Variants in CCDC60 observed in about 807,000 individuals in gnomAD.
CCDC60 encodes coiled-coil domain-containing protein 60.
CCDC60 carries 54 observed loss-of-function variants against 63.5 expected under a neutral mutation model. That is an observed-to-expected ratio of 0.85 (90% confidence interval 0.68 to 1.07). The LOEUF is 1.07. CCDC60 is among the 50% of genes least tolerant of loss of function. The pLI, the probability that CCDC60 is intolerant of heterozygous loss-of-function variation, is 0.00. For missense variants in CCDC60, 651 were observed against 684.3 expected (o/e 0.95, Z 0.54); for synonymous variants, 206 against 238.8 (o/e 0.86, Z 1.27).
At chr12:119,379,457 A>C (rs754499924) in intron 1 of CCDC60, among the ~76,000 whole-genome samples, 4 of 152,192 alleles carry the variant, frequency 2.6e-5, no homozygotes, top group Non-Finnish European at 4.4e-5. Flanking sequence ...ACTGTTCTGC[A>C]CTTTGTTGGG....
intron 1 of CCDC60, among the ~76,000 whole-genome samples, chr12:119,383,903 G>A (rs973443156): frequency 2.6e-5 from 4 of 152,170 alleles, no homozygotes; most frequent in African/African-American, 4.8e-5. Context: ...CCACTTTAAA[G>A]AGACAGACCT....
At chr12:119,357,146 G>C (rs554296563) in intron 1 of CCDC60, among the ~76,000 whole-genome samples, 1 of 152,260 alleles carries the variant, frequency 6.6e-6, no homozygotes, top group Non-Finnish European at 1.5e-5. Flanking sequence ...ATGTTGATGG[G>C]TACAGGTGAT....
intron 2 of CCDC60, among the ~76,000 whole-genome samples, chr12:119,435,753 A>C (rs1950312627): frequency 1.3e-5 from 2 of 152,122 alleles, no homozygotes; most frequent in Non-Finnish European, 2.9e-5. Flanking sequence ...ACTACCCCCA[A>C]AACTCAGTAA....
chr12:119,518,082 T>C (rs963707995), intron 8 of CCDC60, among the ~76,000 whole-genome samples: 5 of 152,222 alleles, frequency 3.3e-5, no homozygotes, highest in African/African-American at 7.2e-5. Flanking sequence ...ACCTCGCCTC[T>C]GCTTGTGAAT....
chr12:119,531,213 C>A, intron 13 of CCDC60, 150 bp downstream of exon 13: 1 of 671,670 alleles, frequency 1.5e-6, no homozygotes, highest in Non-Finnish European at 2.5e-6. Context: ...GTCCCATTAC[C>A]TGGTTGCCCA....
chr12:119,488,865 A>T lies in CCDC60; in HGVS notation c.556A>T (p.Lys186Ter). The change falls in exon 5 of 14, where the codon AAG becomes TAG. Residue 186 changes from lysine to a stop codon, truncating the protein, a stop_gained and splice_region_variant. Coordinates refer to ENST00000327554, the MANE Select transcript of CCDC60 (RefSeq NM_178499.5). LOFTEE classifies it high-confidence loss of function. ...MKPVITCWNP[K>*]DPGGSKSTIK... ...GCCTGTGATCACCTGCTGGAACCCAAAGTATGCCTCAGCCCTTCAACTTGT... is the reference window on the plus strand; with the variant it reads ...GCCTGTGATCACCTGCTGGAACCCATAGTATGCCTCAGCCCTTCAACTTGT... 6.2e-7 allele frequency: 1 copy of T among 1,612,012 alleles called. No homozygotes were observed. The highest frequency in any genetic ancestry group is 8.5e-7 in the Non-Finnish European group (1 of 1,178,128).
chr12:119,434,968 C>T (rs1950299470), intron 2 of CCDC60, among the ~76,000 whole-genome samples: 1 of 152,124 alleles, frequency 6.6e-6, no homozygotes, highest in Non-Finnish European at 1.5e-5. Context: ...GCATCACATC[C>T]ACTGCATAGA....
intron 2 of CCDC60, among the ~76,000 whole-genome samples, chr12:119,464,841 C>T (rs1158914329): frequency 1.3e-5 from 2 of 152,190 alleles, no homozygotes; most frequent in Non-Finnish European, 2.9e-5. Flanking sequence ...CAAAATATTA[C>T]ATGATGATGT....
intron 1 of CCDC60, among the ~76,000 whole-genome samples, chr12:119,398,682 G>T (rs1046921263): frequency 6.6e-6 from 1 of 152,220 alleles, no homozygotes; most frequent in South Asian, 2.1e-4. Context: ...GATAAAAGTG[G>T]TCATGGACAC....
At chr12:119,487,139 C>T (rs1951464632) in intron 4 of CCDC60, among the ~76,000 whole-genome samples, 1 of 152,062 alleles carries the variant, frequency 6.6e-6, no homozygotes, top group Non-Finnish European at 1.5e-5. Context: ...AGCCCAGGCC[C>T]GTGAGAGCAC....
chr12:119,490,679 C>T (rs1951562485), intron 5 of CCDC60, among the ~76,000 whole-genome samples: 1 of 152,082 alleles, frequency 6.6e-6, no homozygotes, highest in African/African-American at 2.4e-5. Context: ...ATCCTCCTGC[C>T]TCAGCCTCCC....
At chr12:119,534,569 C>G (rs1463658000) in intron 13 of CCDC60, among the ~76,000 whole-genome samples, 2 of 152,030 alleles carry the variant, frequency 1.3e-5, no homozygotes, top group African/African-American at 4.8e-5. Context: ...AAATAGCTCT[C>G]ATTATTTTGA....
At chr12:119,455,769 GAA>G (rs1393647450) in intron 2 of CCDC60, among the ~76,000 whole-genome samples, 1 of 139,236 alleles carries the variant, frequency 7.2e-6, no homozygotes, top group African/African-American at 2.7e-5. Flanking sequence ...AGAAAAGAAA[GAA>G]AGAGTGAAAG....
chr12:119,417,409 A>T (rs1008177105), intron 1 of CCDC60, among the ~76,000 whole-genome samples: 1 of 151,982 alleles, frequency 6.6e-6, no homozygotes, highest in Non-Finnish European at 1.5e-5. Context: ...ACTTTTTGGA[A>T]TACATCAGCA....
Position 119,540,924 on chromosome 12 carries a change from G to A in CCDC60, c.*209G>A. ...GCCCTCCCCTCAATTCCACACCCCA[G>A]ACCCAACCTACCAGTCTCTGTTCTT... On this transcript the variant is annotated 3_prime_UTR_variant, in exon 14 of 14. Transcript: ENST00000327554. The A allele has an allele frequency of 2.0e-6, 1 of 502,066 alleles. No homozygotes were observed. Among genetic ancestry groups the A allele is most frequent in the Non-Finnish European group, 3.5e-6 (1 of 283,496 alleles). 31.1% of individuals were successfully genotyped at this position (502,066 alleles called of 1,614,324 possible). A position where few individuals can be genotyped will look rare whatever the true frequency, so the allele number is the denominator to read the frequency against.
chr12:119,356,176 TCTTAA>T (rs112597193), intron 1 of CCDC60, among the ~76,000 whole-genome samples: 36 of 152,354 alleles, frequency 2.4e-4, no homozygotes, highest in African/African-American at 7.9e-4. Context: ...TTCCACTCAT[TCTTAA>T]CTTTAGATTT....
intron 3 of CCDC60, among the ~76,000 whole-genome samples, chr12:119,473,997 G>T (rs868388179): frequency 8.5e-5 from 13 of 152,308 alleles, no homozygotes; most frequent in African/African-American, 2.6e-4. Context: ...TAGTGGGATT[G>T]CTGGATCAAA....
intron 5 of CCDC60, among the ~76,000 whole-genome samples, chr12:119,491,759 G>T (rs1951593444): frequency 6.6e-6 from 1 of 151,040 alleles, no homozygotes; most frequent in Non-Finnish European, 1.5e-5. Context: ...TAAGAAAAAG[G>T]CCTCTGAGCC....
chr12:119,477,214 T>C (rs1593143977), intron 3 of CCDC60, among the ~76,000 whole-genome samples: 1 of 152,136 alleles, frequency 6.6e-6, no homozygotes, highest in Non-Finnish European at 1.5e-5. Flanking sequence ...GAAGGAGAGG[T>C]TGCCAGTTCC....
Sources: gnomAD v4.1 joint callset for allele counts (sites outside exome capture counted in the v4.1 genomes callset) on GRCh38, gnomAD v4.1.1 for gene constraint, MANE v1.5 for transcripts, NCBI Gene and HGNC (gene_info 2026-07-23, HGNC 2026-07-21) for gene names.